The following ANXA8 variants were observed in gnomAD, a reference collection of about 807,000 sequenced individuals.
The protein encoded by ANXA8 is annexin A8.
Under a neutral mutation model 26.8 loss-of-function variants are expected in ANXA8, and 9 were observed. That is an observed-to-expected ratio of 0.34 (90% CI 0.20 to 0.59). The LOEUF is 0.59. ANXA8 is among the 20% of genes least tolerant of loss of function. The pLI is 0.84. For missense variants in ANXA8, 83 were observed against 238.5 expected, an observed-to-expected ratio of 0.35 and a Z score of 4.29; for synonymous variants, 39 against 94.8, an observed-to-expected ratio of 0.41 and a Z score of 3.42.
chr10:47,695,889 C>T, the ANXA8 span, among the ~76,000 whole-genome samples: 1 of 151,916 alleles, frequency 6.6e-6, no homozygotes, highest in South Asian at 2.1e-4. Context: ...TGTTCCCTAC[C>T]TCCAAAGTCT....
At chr10:47,493,590 A>G in the ANXA8 span, among the ~76,000 whole-genome samples, 1 of 150,062 alleles carries the variant, frequency 6.7e-6, no homozygotes, top group Non-Finnish European at 1.5e-5. Context: ...CTCCCACCCT[A>G]GGGTACTCTC....
chr10:47,676,897 C>T, the ANXA8 span, among the ~76,000 whole-genome samples: 17 of 145,282 alleles, frequency 1.2e-4, no homozygotes, highest in African/African-American at 3.0e-4. Flanking sequence ...TCCAGCCTGT[C>T]GACAGAGCGA....
At chr10:47,527,879 C>A in the ANXA8 span, among the ~76,000 whole-genome samples, 7 of 148,644 alleles carry the variant, frequency 4.7e-5, no homozygotes, top group Non-Finnish European at 1.0e-4. Context: ...AGAAAAAACA[C>A]ATTTTTGAGG....
chr10:47,736,966 A>G, the ANXA8 span, among the ~76,000 whole-genome samples: 2 of 151,714 alleles, frequency 1.3e-5, no homozygotes, highest in African/African-American at 4.8e-5. Context: ...TAATTGAATT[A>G]TTTTATTGCT....
chr10:47,771,627 G>T, the ANXA8 span, among the ~76,000 whole-genome samples: 1 of 151,034 alleles, frequency 6.6e-6, no homozygotes, highest in Admixed American at 6.6e-5. Context: ...GCCCGGGCTG[G>T]AGTGCAATGG....
chr10:47,749,634 A>C, the ANXA8 span, among the ~76,000 whole-genome samples: 2 of 151,206 alleles, frequency 1.3e-5, no homozygotes, highest in Admixed American at 1.3e-4. Flanking sequence ...GAAACCACTA[A>C]AGAAATTATA....
At chr10:47,896,908 A>T in the ANXA8 span, among the ~76,000 whole-genome samples, 27 of 116,508 alleles carry the variant, frequency 2.3e-4, no homozygotes, top group African/African-American at 8.2e-4. Context: ...AAGAGATTTT[A>T]TTTATTTATT....
chr10:47,561,011 A>G, the ANXA8 span, among the ~76,000 whole-genome samples: 1 of 151,256 alleles, frequency 6.6e-6, no homozygotes, highest in East Asian at 1.9e-4. Context: ...TCATCTTAAT[A>G]TTATTTACAA....
the ANXA8 span, among the ~76,000 whole-genome samples, chr10:47,954,011 AC>A: frequency 1.3e-5 from 2 of 150,640 alleles, no homozygotes; most frequent in South Asian, 4.2e-4. Flanking sequence ...AAATAGAACT[AC>A]CCTATGATCC....
At chr10:47,743,293 T>TACATATATATATATATAC in the ANXA8 span, among the ~76,000 whole-genome samples, 1 of 64,906 alleles carries the variant, frequency 1.5e-5, no homozygotes, top group Non-Finnish European at 2.9e-5. Context: ...CATATATATA[T>TACATATATATATATATAC]ACACATATAT....
the ANXA8 span, among the ~76,000 whole-genome samples, chr10:47,666,110 A>G: frequency 6.7e-6 from 1 of 149,512 alleles, no homozygotes; most frequent in Non-Finnish European, 1.5e-5. Flanking sequence ...AACTTTCACT[A>G]ATTCTTTACT....
the ANXA8 span, among the ~76,000 whole-genome samples, chr10:47,760,627 C>A: frequency 6.6e-6 from 1 of 151,090 alleles, no homozygotes; most frequent in Non-Finnish European, 1.5e-5. Flanking sequence ...TGGGGTGCAG[C>A]AAGCACTTCA....
chr10:47,978,208 AT>A, the ANXA8 span, among the ~76,000 whole-genome samples: 1 of 151,972 alleles, frequency 6.6e-6, no homozygotes, highest in Non-Finnish European at 1.5e-5. Flanking sequence ...AGAATTCTAT[AT>A]CTAGCAAAGG....
chr10:47,696,115 AAC>A, the ANXA8 span, among the ~76,000 whole-genome samples: 1 of 151,830 alleles, frequency 6.6e-6, no homozygotes. Flanking sequence ...TATACATGAT[AAC>A]ATTTTCCTTA....
the ANXA8 span, chr10:47,691,256 C>T: frequency 2.3e-6 from 3 of 1,289,492 alleles, no homozygotes; most frequent in Middle Eastern, 2.8e-4. Context: ...ATAGTGGTAG[C>T]TTATTTTATA....
the ANXA8 span, among the ~76,000 whole-genome samples, chr10:47,704,173 T>C: frequency 2.1e-5 from 3 of 142,680 alleles, 1 homozygote; most frequent in Non-Finnish European, 4.7e-5. Context: ...TTAATTAACG[T>C]TAGTTTCCTG....
chr10:47,536,587 C>T, the ANXA8 span, among the ~76,000 whole-genome samples: 3 of 130,614 alleles, frequency 2.3e-5, 1 homozygote, highest in Non-Finnish European at 4.6e-5. Flanking sequence ...ATAAACACTA[C>T]CCCCACCACC....
At chr10:47,966,011 C>T in the ANXA8 span, among the ~76,000 whole-genome samples, 2 of 132,704 alleles carry the variant, frequency 1.5e-5, no homozygotes, top group South Asian at 2.6e-4. Flanking sequence ...CTCCAGAGAG[C>T]GAAAGACGAT....
chr10:47,755,507 G>A, the ANXA8 span, among the ~76,000 whole-genome samples: 203 of 150,528 alleles, frequency 1.3e-3, 4 homozygotes, highest in Middle Eastern at 3.5e-3. Context: ...TGCCTACCTC[G>A]GCCTCCCAAA....
Sources: gnomAD v4.1 joint callset for allele counts (sites outside exome capture counted in the v4.1 genomes callset) on GRCh38, gnomAD v4.1.1 for gene constraint, MANE v1.5 for transcripts, NCBI Gene and HGNC (gene_info 2026-07-23, HGNC 2026-07-21) for gene names.